The following SYNPO2 variants were observed in gnomAD, a reference collection of about 807,000 sequenced individuals.
SYNPO2 encodes synaptopodin-2.
In SYNPO2, 56 loss-of-function variants were observed where a neutral mutation model predicts 85.0. The ratio of observed to expected loss-of-function variants is 0.66; its 90% CI spans 0.53 to 0.82. SYNPO2 has a LOEUF of 0.82. Ranked by LOEUF, SYNPO2 falls within the 40% of genes least tolerant of loss-of-function variation. The probability of loss-of-function intolerance (pLI) is 0.00; values close to 1 mark genes in which losing one functional copy is unlikely to be tolerated. For missense variants in SYNPO2, 1,575 were observed against 1,534.2 expected (o/e 1.03, Z -0.44); for synonymous variants, 602 against 591.1 (o/e 1.02, Z -0.27).
intron 1 of SYNPO2, among the ~76,000 whole-genome samples, chr4:118,995,669 A>G (rs1240730747): frequency 6.6e-6 from 1 of 152,188 alleles, no homozygotes; most frequent in African/African-American, 2.4e-5. Context: ...TAGATTACCC[A>G]GGTTTAAATC....
intron 1 of SYNPO2, among the ~76,000 whole-genome samples, chr4:118,894,077 T>A (rs1010055044): frequency 6.6e-6 from 1 of 151,216 alleles, no homozygotes; most frequent in African/African-American, 2.4e-5. Context: ...GTTCATGAAA[T>A]CATCATCATC....
At chr4:119,007,151 C>G (rs1737059463) in intron 1 of SYNPO2, among the ~76,000 whole-genome samples, 1 of 145,466 alleles carries the variant, frequency 6.9e-6, no homozygotes, top group African/African-American at 2.5e-5. Context: ...CTCTCACACA[C>G]ACACACGCAC....
intron 4 of SYNPO2, chr4:119,032,642 G>A (rs1186565208): frequency 1.0e-6 from 1 of 987,152 alleles, no homozygotes; most frequent in South Asian, 4.7e-5. Context: ...TAAGAAAGAG[G>A]GTCTTAATTA....
intron 1 of SYNPO2, among the ~76,000 whole-genome samples, chr4:119,022,029 C>G (rs1000885230): frequency 6.6e-6 from 1 of 152,012 alleles, no homozygotes; most frequent in African/African-American, 2.4e-5. Context: ...TCTCTTTTTT[C>G]TTTCTTTTTT....
intron 1 of SYNPO2, among the ~76,000 whole-genome samples, chr4:119,004,858 T>C (rs543597579): frequency 0.018 from 2,803 of 152,038 alleles, 70 homozygotes; most frequent in African/African-American, 0.064. Flanking sequence ...GTAAAAGTGT[T>C]CCTATTTCTC....
intron 1 of SYNPO2, among the ~76,000 whole-genome samples, chr4:118,855,352 A>G (rs1356099583): frequency 6.6e-6 from 1 of 152,128 alleles, no homozygotes; most frequent in African/African-American, 2.4e-5. Flanking sequence ...TGCTTGACGA[A>G]TTATTTATTG....
In SYNPO2 at chr4:119,059,763, A is replaced by G. The variant is rs934912524; in HGVS notation, c.*1829A>G. 1 of 152,148 alleles carries G rather than the reference A, an allele frequency of 6.6e-6. No individual in the cohort carries two copies. The highest frequency in any genetic ancestry group is 1.5e-5 in the Non-Finnish European group (1 of 67,996). 9.4% of individuals were successfully genotyped at this position (152,148 alleles called of 1,614,324 possible). On this transcript the variant is annotated 3_prime_UTR_variant, in exon 5 of 5. Transcript: ENST00000307142. ...TGAAAGTTAAAAAAAAAAAGTAAAGAAATCACAGTAAGTTCTATTAGTGAT... is the reference window on the plus strand; with the variant it reads ...TGAAAGTTAAAAAAAAAAAGTAAAGGAATCACAGTAAGTTCTATTAGTGAT...
chr4:118,942,899 G>A (rs974152414), intron 1 of SYNPO2, among the ~76,000 whole-genome samples: 1 of 152,060 alleles, frequency 6.6e-6, no homozygotes, highest in East Asian at 1.9e-4. Flanking sequence ...TTGAGGTCAG[G>A]AGTTCGAGAC....
At chr4:119,056,840 A>G (rs1337788653) in intron 4 of SYNPO2, among the ~76,000 whole-genome samples, 1 of 152,186 alleles carries the variant, frequency 6.6e-6, no homozygotes, top group Non-Finnish European at 1.5e-5. Context: ...AACTACATCT[A>G]AGAAGCTCTG....
chr4:118,953,191 G>A (rs774752581), intron 1 of SYNPO2, among the ~76,000 whole-genome samples: 3 of 152,106 alleles, frequency 2.0e-5, no homozygotes, highest in South Asian at 2.1e-4. Context: ...TCATCTTCAC[G>A]TTGTTTGGTT....
chr4:118,927,239 A>G (rs759659238), intron 1 of SYNPO2, among the ~76,000 whole-genome samples: 2 of 152,190 alleles, frequency 1.3e-5, no homozygotes, highest in African/African-American at 2.4e-5. Flanking sequence ...AATTTCTGCC[A>G]TGGATATTTT....
intron 4 of SYNPO2, among the ~76,000 whole-genome samples, chr4:119,051,225 T>C (rs1187496249): frequency 8.3e-6 from 1 of 120,024 alleles, no homozygotes; most frequent in East Asian, 2.8e-4. Context: ...AGTCTCGCTC[T>C]GTCGCCCAGG....
intron 1 of SYNPO2, among the ~76,000 whole-genome samples, chr4:118,908,201 A>G (rs1316853783): frequency 2.0e-5 from 3 of 152,148 alleles, no homozygotes; most frequent in Non-Finnish European, 2.9e-5. Flanking sequence ...GGCTTTCTTA[A>G]AATTATTTCC....
At chr4:118,881,910 C>T (rs1169381470) in intron 1 of SYNPO2, among the ~76,000 whole-genome samples, 1 of 152,202 alleles carries the variant, frequency 6.6e-6, no homozygotes, top group Non-Finnish European at 1.5e-5. Flanking sequence ...GTGTGCCCAG[C>T]ACATGATAAA....
rs142619813 is a variant in SYNPO2 at position 118,890,049 on chromosome 4, T to G, written c.105+908T>G. Reference sequence around the variant, plus strand: ...TTAATTTCCTATTTTATGCTTATATTAAAAATGGGTACAGATCTTTATGAA... The same window carrying G: ...TTAATTTCCTATTTTATGCTTATATGAAAAATGGGTACAGATCTTTATGAA... On this transcript the variant is annotated intron_variant, in intron 1 of 4. Coordinates refer to ENST00000307142, the MANE Select transcript of SYNPO2 (RefSeq NM_133477.3). 1.1e-3 allele frequency among the ~76,000 whole-genome samples: 173 copies of G among 152,288 alleles called. 1 individual carries two copies. Among genetic ancestry groups the G allele is most frequent in the African/African-American group, 4.0e-3 (168 of 41,564 alleles).
intron 1 of SYNPO2, among the ~76,000 whole-genome samples, chr4:118,914,276 A>C (rs1031877086): frequency 6.6e-6 from 1 of 152,196 alleles, no homozygotes; most frequent in Non-Finnish European, 1.5e-5. Flanking sequence ...ATGCAGAATT[A>C]AGAGTATCAG....
chr4:119,028,463 T>A (rs1234357434), intron 3 of SYNPO2, among the ~76,000 whole-genome samples: 1 of 152,164 alleles, frequency 6.6e-6, no homozygotes, highest in African/African-American at 2.4e-5. Context: ...GTAGGCCATC[T>A]TCACATTTAT....
intron 1 of SYNPO2, among the ~76,000 whole-genome samples, chr4:118,946,088 C>CAAGATGACAT (rs1366603733): frequency 6.6e-6 from 1 of 151,836 alleles, no homozygotes; most frequent in African/African-American, 2.4e-5. Context: ...CTGGAAAAAG[C>CAAGATGACAT]AAGATGACAT....
chr4:118,888,325 A>G (rs528225157), upstream of SYNPO2, among the ~76,000 whole-genome samples: 23 of 152,280 alleles, frequency 1.5e-4, no homozygotes, highest in East Asian at 1.7e-3. Flanking sequence ...TATGGTTCAG[A>G]AAGGTACTTT....
Sources: gnomAD v4.1 joint callset for allele counts (sites outside exome capture counted in the v4.1 genomes callset) on GRCh38, gnomAD v4.1.1 for gene constraint, MANE v1.5 for transcripts, NCBI Gene and HGNC (gene_info 2026-07-23, HGNC 2026-07-21) for gene names.